ZNF273: variants seen among roughly 807,000 people sequenced by gnomAD.
The protein encoded by ZNF273 is zinc finger protein 9.
A neutral mutation model predicts 14.9 loss-of-function variants in ZNF273; 11 were observed. The ratio of observed to expected loss-of-function variants is 0.74; its 90% CI spans 0.46 to 1.22. The LOEUF (loss-of-function observed/expected upper bound fraction) is 1.22, where lower values mean the gene tolerates loss of function less well. Among genes scored for constraint, ZNF273 ranks in the 50% most tolerant of loss-of-function variants. The pLI, the probability that ZNF273 is intolerant of heterozygous loss-of-function variation, is 0.00. For synonymous variants in ZNF273, 199 were observed against 223.9 expected, an observed-to-expected ratio of 0.89 and a Z score of 0.99; for missense variants, 577 against 660.6, an observed-to-expected ratio of 0.87 and a Z score of 1.39.
chr7:64,930,792 A>G lies in ZNF273; in HGVS notation c.*1754A>G, dbSNP rs1277882776. 3 of 152,046 alleles carry G rather than the reference A, an allele frequency of 2.0e-5. No homozygotes were observed. The highest frequency in any genetic ancestry group is 2.0e-4 in the Admixed American group (3 of 15,256). 9.4% of individuals were successfully genotyped at this position (152,046 alleles called of 1,614,324 possible). On this transcript the variant is annotated 3_prime_UTR_variant, in exon 4 of 4. Transcript: ENST00000476120. Reference sequence around the variant, plus strand: ...AGTATGTTTTTATGCTGTATATGGCATGTTTTGATACAGGTATATAATATG... The same window carrying G: ...AGTATGTTTTTATGCTGTATATGGCGTGTTTTGATACAGGTATATAATATG...
At chr7:64,919,240 T>C (rs895595496) in intron 3 of ZNF273, among the ~76,000 whole-genome samples, 2 of 152,210 alleles carry the variant, frequency 1.3e-5, no homozygotes, top group South Asian at 2.1e-4. Flanking sequence ...GTTTATTGAA[T>C]CTGTAGGTCA....
chr7:64,903,570 C>A, intron 1 of ZNF273, 151 bp downstream of exon 1: 1 of 829,930 alleles, frequency 1.2e-6, no homozygotes. Context: ...CCTCAGTCCC[C>A]TTCAGTCATA....
chr7:64,890,952 A>G (rs995775834), downstream of ZNF273, among the ~76,000 whole-genome samples: 4 of 152,206 alleles, frequency 2.6e-5, no homozygotes, highest in African/African-American at 9.6e-5. Context: ...CAGGGTAGAT[A>G]TGAAAACCTG....
At chr7:64,932,238 A>ATAT (rs374288365), downstream of ZNF273, among the ~76,000 whole-genome samples, 13 of 151,736 alleles carry the variant, frequency 8.6e-5, no homozygotes, top group East Asian at 1.9e-4. Flanking sequence ...AAAAAAAAAA[A>ATAT]ATATCTTACT....
chr7:64,882,508 G>C (rs547625634), downstream of ZNF273: 1 of 152,402 alleles, frequency 6.6e-6, no homozygotes, highest in South Asian at 2.1e-4. Context: ...TGCCAGTGGC[G>C]GGGCACAAGG....
upstream of ZNF273, among the ~76,000 whole-genome samples, chr7:64,900,243 C>G (rs188969986): frequency 4.9e-3 from 743 of 152,062 alleles, 5 homozygotes; most frequent in African/African-American, 0.017. Flanking sequence ...CCTCCCACCT[C>G]AGACTCCTGA....
At chr7:64,903,242 A>C (rs932936531), upstream of ZNF273, 6 of 1,240,590 alleles carry the variant, frequency 4.8e-6, no homozygotes, top group African/African-American at 7.5e-5. Flanking sequence ...TGGAGCGGAC[A>C]GGACGGCTTC....
downstream of ZNF273, chr7:64,889,303 G>C: frequency 1.1e-6 from 1 of 943,698 alleles, no homozygotes; most frequent in Non-Finnish European, 1.2e-6. The surrounding 1 kb of genome is among the most constrained non-coding windows in gnomAD (Gnocchi z 4.2). Flanking sequence ...GCTCTCGCCC[G>C]CCGGTGCCTG....
At chr7:64,917,213 A>G (rs556156284) in intron 1 of ZNF273, 1 of 760,888 alleles carries the variant, frequency 1.3e-6, no homozygotes, top group East Asian at 6.9e-5. Flanking sequence ...TACTGTACAC[A>G]TTAAAATTTT....
At chr7:64,927,352 T>C (rs541256985) in intron 3 of ZNF273, among the ~76,000 whole-genome samples, 16 of 152,188 alleles carry the variant, frequency 1.1e-4, no homozygotes, top group Non-Finnish European at 1.3e-4. Flanking sequence ...CCTCCCAAAA[T>C]GCTGGGATTA....
At chr7:64,904,049 T>G (rs528789047) in intron 1 of ZNF273, among the ~76,000 whole-genome samples, 1 of 152,340 alleles carries the variant, frequency 6.6e-6, no homozygotes, top group East Asian at 1.9e-4. Context: ...GAATTTTGTT[T>G]CCCTCAATGT....
In ZNF273 at chr7:64,918,292, G is replaced by C. The variant is rs1266708804; in HGVS notation, c.325G>C (p.Val109Leu). 3 of 1,556,086 alleles carry C rather than the reference G, an allele frequency of 1.9e-6. No individual in the cohort carries two copies. Residue 109 changes from valine to leucine, a missense_variant and splice_region_variant, in exon 3 of 4, where the codon GTT becomes CTT. By Grantham distance (32) the Val-to-Leu change is conservative. Around this residue, in one of 3 missense-constraint regions of ZNF273, gnomAD observed 162 missense variants for 203.5 expected, o/e 0.80. Transcript: ENST00000476120. ...KRHAMVAKPPVVCSHFAQDLW... is the reference protein window; with the variant it reads ...KRHAMVAKPPLVCSHFAQDLW... Reference sequence around the variant, plus strand: ...ACATGCGATGGTAGCCAAACCCCCAGGTAGGTGAGAGTGATAGCGAATATA... The same window carrying C: ...ACATGCGATGGTAGCCAAACCCCCACGTAGGTGAGAGTGATAGCGAATATA...
At chr7:64,923,062 T>C (rs1794581530) in intron 3 of ZNF273, among the ~76,000 whole-genome samples, 1 of 152,252 alleles carries the variant, frequency 6.6e-6, no homozygotes, top group South Asian at 2.1e-4. Flanking sequence ...TGCAACATTT[T>C]ACTAAGTGTT....
chr7:64,896,951 G>A (rs566176458), intron 3 of ZNF273, among the ~76,000 whole-genome samples: 1 of 152,312 alleles, frequency 6.6e-6, no homozygotes, highest in East Asian at 1.9e-4. Flanking sequence ...TTTACACAAT[G>A]GAATGCTATT....
the ZNF273 span, among the ~76,000 whole-genome samples, chr7:64,937,024 T>C: frequency 6.6e-6 from 1 of 152,228 alleles, no homozygotes; most frequent in Non-Finnish European, 1.5e-5. Flanking sequence ...TATTCTTATT[T>C]CAAATGATAT....
intron 1 of ZNF273, among the ~76,000 whole-genome samples, chr7:64,916,559 A>AAAC (rs1794014744): frequency 2.0e-5 from 3 of 150,128 alleles, no homozygotes; most frequent in African/African-American, 7.4e-5. Context: ...AAAAAAAAAA[A>AAAC]AAAAAACCAT....
downstream of ZNF273, among the ~76,000 whole-genome samples, chr7:64,931,434 G>A (rs1159937369): frequency 6.6e-6 from 1 of 151,994 alleles, no homozygotes. Context: ...ATATGAGCTG[G>A]TCAGGGATTA....
intron 1 of ZNF273, among the ~76,000 whole-genome samples, chr7:64,912,659 T>C (rs2129069633): frequency 6.6e-6 from 1 of 152,182 alleles, no homozygotes. Context: ...AATAAGAGGC[T>C]TTATGATTCT....
chr7:64,883,217 C>CCAA (rs1554378892), downstream of ZNF273, among the ~76,000 whole-genome samples: 1 of 143,508 alleles, frequency 7.0e-6, no homozygotes, highest in South Asian at 2.5e-4. Flanking sequence ...AATCACCACC[C>CCAA]CCCCCTCACC....
Sources: allele counts gnomAD v4.1 joint callset (sites outside exome capture counted in the v4.1 genomes callset), GRCh38; gene constraint gnomAD v4.1.1; regional missense constraint gnomAD v4.1.1; non-coding constraint Gnocchi (gnomAD v3.1); transcripts MANE v1.5; gene names NCBI Gene and HGNC (gene_info 2026-07-23, HGNC 2026-07-21).